Variants in DIAPH3 observed in about 807,000 individuals in gnomAD.
DIAPH3 encodes the protein protein diaphanous homolog 3.
A neutral mutation model predicts 144.3 loss-of-function variants in DIAPH3; 117 were observed. That is an observed-to-expected ratio of 0.81 (90% confidence interval 0.70 to 0.95). The LOEUF is 0.95. Among genes scored for constraint, DIAPH3 ranks in the 40% least tolerant of loss-of-function variants. DIAPH3 has a pLI of 0.00. For synonymous variants in DIAPH3, 519 were observed against 488.9 expected (o/e 1.06, Z -0.81); for missense variants, 1,421 against 1,412.7 (o/e 1.01, Z -0.09).
At chr13:60,007,639 G>A (rs1476260914) in intron 9 of DIAPH3, among the ~76,000 whole-genome samples, 1 of 152,046 alleles carries the variant, frequency 6.6e-6, no homozygotes, top group Non-Finnish European at 1.5e-5. Context: ...TTAGAAGTAC[G>A]GAGGTGAGAA....
chr13:59,837,249 G>A (rs2042086537), intron 23 of DIAPH3, among the ~76,000 whole-genome samples: 1 of 151,992 alleles, frequency 6.6e-6, no homozygotes, highest in African/African-American at 2.4e-5. Flanking sequence ...CTTGTCCATG[G>A]AGTATAATTG....
At chr13:60,093,498 C>A in intron 4 of DIAPH3, 130 bp downstream of exon 4, 1 of 654,192 alleles carries the variant, frequency 1.5e-6, no homozygotes, top group Non-Finnish European at 2.7e-6. Context: ...ATACTTGTGC[C>A]CTTAATTATA....
chr13:59,964,746 C>A (rs1386285418), intron 17 of DIAPH3, among the ~76,000 whole-genome samples: 1 of 152,046 alleles, frequency 6.6e-6, no homozygotes, highest in Non-Finnish European at 1.5e-5. Flanking sequence ...ATATTCTTGA[C>A]CCATTTCATA....
intron 3 of DIAPH3, among the ~76,000 whole-genome samples, chr13:60,107,026 T>C (rs1434793469): frequency 1.3e-5 from 2 of 152,124 alleles, no homozygotes; most frequent in African/African-American, 2.4e-5. Flanking sequence ...ATTCTTTTGC[T>C]ATAAAGAGGA....
chr13:59,828,222 C>A (rs192751394), intron 24 of DIAPH3, among the ~76,000 whole-genome samples: 54 of 151,958 alleles, frequency 3.6e-4, no homozygotes, highest in Admixed American at 2.4e-3. Context: ...AGATGCTGAC[C>A]CTCTATCCTT....
At chr13:59,841,847 A>T (rs1332381584) in intron 22 of DIAPH3, among the ~76,000 whole-genome samples, 1 of 152,158 alleles carries the variant, frequency 6.6e-6, no homozygotes, top group East Asian at 1.9e-4. Flanking sequence ...AACATCATGA[A>T]GTAGGCATTA....
rs184165106 is a variant in DIAPH3, at chr13:59,993,813, C to G, written c.1015-1230G>C. Among the ~76,000 whole-genome samples the G allele has an allele frequency of 2.1e-4, 32 of 151,276 alleles. 1 individual carries two copies. Among genetic ancestry groups the G allele is most frequent in the Middle Eastern group, 3.4e-3 (1 of 294 alleles). On this transcript the variant is annotated intron_variant, in intron 9 of 27. Transcript: ENST00000400324. ...AGTTTAAAATGTTTTCCTTCCACCC[C>G]CTTGCCAGTCATTACCCAGGACCCA...
Position 59,924,889 on chromosome 13 carries a change from T to C in DIAPH3, c.2075-19A>G. 1 of 1,594,016 alleles carries C rather than the reference T, an allele frequency of 6.3e-7. No homozygotes were observed. Among genetic ancestry groups the C allele is most frequent in the Non-Finnish European group, 8.6e-7 (1 of 1,166,218 alleles). ...CTTCTCTCTGTAAAACCAAGATAGA[T>C]CCATGTTAGGGGCAGCAATTCATTC... On this transcript the variant is annotated intron_variant, in intron 17 of 27. Coordinates refer to ENST00000400324, the MANE Select transcript of DIAPH3 (RefSeq NM_001042517.2).
At chr13:60,101,645 G>A (rs560226773) in intron 3 of DIAPH3, among the ~76,000 whole-genome samples, 2 of 152,128 alleles carry the variant, frequency 1.3e-5, no homozygotes, top group African/African-American at 4.8e-5. Flanking sequence ...GCCCTAGAGT[G>A]TCCTTGGCTT....
rs187003486 is a variant in DIAPH3, at chr13:60,046,434, C to T, written c.496-3614G>A. Among the ~76,000 whole-genome samples the T allele has an allele frequency of 5.3e-5, 8 of 152,224 alleles. No homozygotes were observed. The East Asian group carries it at 5.8e-4, about 11-fold the overall frequency. ...AAAACCAAAATGAGATACCATCTCACGCCAGTTACAATGGCGATCATTAAA... is the reference window on the plus strand; with the variant it reads ...AAAACCAAAATGAGATACCATCTCATGCCAGTTACAATGGCGATCATTAAA... On this transcript the variant is annotated intron_variant, in intron 4 of 27. Transcript: ENST00000400324.
At chr13:59,760,314 G>C (rs140993040) in intron 27 of DIAPH3, among the ~76,000 whole-genome samples, 243 of 152,258 alleles carry the variant, frequency 1.6e-3, no homozygotes, top group African/African-American at 5.3e-3. Context: ...TGATAAAATA[G>C]CACTTTGGAT....
intron 20 of DIAPH3, among the ~76,000 whole-genome samples, chr13:59,902,506 G>A (rs753727561): frequency 1.3e-5 from 2 of 152,164 alleles, no homozygotes; most frequent in Non-Finnish European, 2.9e-5. Context: ...CCAGTGTCAG[G>A]TGTTTCTTTA....
chr13:60,052,008 A>G (rs2056369503), intron 4 of DIAPH3, among the ~76,000 whole-genome samples: 1 of 152,192 alleles, frequency 6.6e-6, no homozygotes, highest in African/African-American at 2.4e-5. Flanking sequence ...TCAGTGTAGC[A>G]GCTACCTGCT....
rs868724160 is a variant in DIAPH3 at position 59,961,490 on chromosome 13, C to A, written c.2074+8454G>T. On this transcript the variant is annotated intron_variant, in intron 17 of 27. Coordinates refer to ENST00000400324, the MANE Select transcript of DIAPH3 (RefSeq NM_001042517.2). Reference sequence around the variant, plus strand: ...ATACTTACAGAAGTGAATAGAGGTACGAAATGATGAAAGATGGTTTTAATA... The same window carrying A: ...ATACTTACAGAAGTGAATAGAGGTAAGAAATGATGAAAGATGGTTTTAATA... 3.9e-5 allele frequency among the ~76,000 whole-genome samples: 6 copies of A among 152,046 alleles called. No homozygotes were observed. In the South Asian group the frequency reaches 1.2e-3, roughly 32 times the overall value.
At chr13:60,019,087 C>T (rs1416163031) in intron 5 of DIAPH3, among the ~76,000 whole-genome samples, 2 of 152,020 alleles carry the variant, frequency 1.3e-5, no homozygotes, top group African/African-American at 4.8e-5. Flanking sequence ...CCTATTTCCA[C>T]TGGAAAAGAT....
chr13:59,980,099 A>C (rs1468804636), intron 14 of DIAPH3, among the ~76,000 whole-genome samples: 3 of 151,608 alleles, frequency 2.0e-5, no homozygotes, highest in African/African-American at 7.3e-5. Context: ...ACTCAAAAAA[A>C]TTGCAATCTC....
chr13:59,686,745 A>G (rs897286919), intron 27 of DIAPH3, among the ~76,000 whole-genome samples: 2 of 152,078 alleles, frequency 1.3e-5, no homozygotes, highest in African/African-American at 4.8e-5. Context: ...AGGTTTATCA[A>G]TTTACACAAC....
At chr13:59,814,418 T>C in intron 24 of DIAPH3, among the ~76,000 whole-genome samples, 1 of 152,162 alleles carries the variant, frequency 6.6e-6, no homozygotes, top group South Asian at 2.1e-4. Flanking sequence ...TTGTAACTAT[T>C]AGGAGAAGAA....
intron 13 of DIAPH3, among the ~76,000 whole-genome samples, chr13:59,982,627 C>CT (rs1324382342): frequency 6.6e-6 from 1 of 151,590 alleles, no homozygotes; most frequent in Non-Finnish European, 1.5e-5. Flanking sequence ...GGGTAATCTT[C>CT]TTTGATGTTA....
Sources: allele counts gnomAD v4.1 joint callset (sites outside exome capture counted in the v4.1 genomes callset), GRCh38; gene constraint gnomAD v4.1.1; transcripts MANE v1.5; gene names NCBI Gene and HGNC (gene_info 2026-07-23, HGNC 2026-07-21).